The following ATP8B4 variants were observed in gnomAD, a reference collection of about 807,000 sequenced individuals.
The protein encoded by ATP8B4 is probable phospholipid-transporting ATPase IM.
Under a neutral mutation model 145.6 loss-of-function variants are expected in ATP8B4, and 133 were observed. The observed-to-expected ratio is 0.91, with a 90% CI of 0.79 to 1.05. The LOEUF is 1.05. Among genes scored for constraint, ATP8B4 ranks in the 50% least tolerant of loss-of-function variants. ATP8B4 has a pLI of 0.00. For synonymous variants in ATP8B4, 507 were observed against 492.9 expected, an observed-to-expected ratio of 1.03 and a Z score of -0.38; for missense variants, 1,458 against 1,425.2, an observed-to-expected ratio of 1.02 and a Z score of -0.37.
intron 14 of ATP8B4, among the ~76,000 whole-genome samples, chr15:49,954,756 G>A (rs937266727): frequency 6.6e-6 from 1 of 152,134 alleles, no homozygotes; most frequent in African/African-American, 2.4e-5. Context: ...ACTGTGGAGA[G>A]CCATTTGGAG....
chr15:50,024,669 T>C (rs769302002), intron 6 of ATP8B4, among the ~76,000 whole-genome samples: 13 of 152,206 alleles, frequency 8.5e-5, no homozygotes, highest in Non-Finnish European at 1.3e-4. Context: ...ACTGGGTGTC[T>C]AGGGCTGCCT....
intron 1 of ATP8B4, among the ~76,000 whole-genome samples, chr15:50,140,887 A>G (rs12906623): frequency 0.26 from 38,905 of 152,102 alleles, 5,785 homozygotes; most frequent in Non-Finnish European, 0.33. Context: ...TCCTAAGGTG[A>G]TTGTAATGTG....
chr15:50,108,418 A>G (rs1040559100), intron 1 of ATP8B4, among the ~76,000 whole-genome samples: 39 of 151,750 alleles, frequency 2.6e-4, no homozygotes, highest in African/African-American at 9.0e-4. Context: ...TGGCCTCAGG[A>G]AAAAAACTCT....
intron 14 of ATP8B4, among the ~76,000 whole-genome samples, chr15:49,954,272 T>A (rs1758214136): frequency 6.6e-6 from 1 of 152,050 alleles, no homozygotes; most frequent in Non-Finnish European, 1.5e-5. Context: ...TATACATATA[T>A]CCTATTAGTT....
chr15:50,039,234 T>G (rs371902167), intron 5 of ATP8B4, among the ~76,000 whole-genome samples: 1 of 152,238 alleles, frequency 6.6e-6, no homozygotes, highest in Admixed American at 6.5e-5. Context: ...ATTCTTTCTG[T>G]TTTATGGATT....
intron 14 of ATP8B4, among the ~76,000 whole-genome samples, chr15:49,937,726 A>T (rs1451292782): frequency 6.6e-6 from 1 of 152,240 alleles, no homozygotes. Flanking sequence ...CAAAAATATT[A>T]AAAAGAATAT....
intron 25 of ATP8B4, among the ~76,000 whole-genome samples, chr15:49,872,948 A>G (rs2033879101): frequency 6.6e-6 from 1 of 152,256 alleles, no homozygotes; most frequent in African/African-American, 2.4e-5. Flanking sequence ...TAATATTAAC[A>G]TCAGAGAAAA....
intron 2 of ATP8B4, among the ~76,000 whole-genome samples, chr15:50,096,284 T>C (rs73400879): frequency 1.3e-5 from 2 of 151,650 alleles, no homozygotes; most frequent in Admixed American, 1.3e-4. Context: ...CACAGAGAGG[T>C]GAGGGAAGGG....
At chr15:49,862,178 G>A in intron 27 of ATP8B4, 67 bp downstream of exon 27, 2 of 1,546,196 alleles carry the variant, frequency 1.3e-6, no homozygotes, top group Non-Finnish European at 1.8e-6. Context: ...TTCCAATAAG[G>A]CAGAAAAGGA....
chr15:50,053,978 A>G (rs551477388), intron 3 of ATP8B4, among the ~76,000 whole-genome samples: 2 of 152,230 alleles, frequency 1.3e-5, no homozygotes, highest in East Asian at 1.9e-4. Context: ...AACTAATAAC[A>G]TTTCTCATAT....
chr15:49,963,721 A>C (rs2044288486), intron 13 of ATP8B4, among the ~76,000 whole-genome samples: 1 of 152,162 alleles, frequency 6.6e-6, no homozygotes, highest in Admixed American at 6.5e-5. Flanking sequence ...GAACACATGG[A>C]CACATGCGGG....
rs183898215 is a variant in ATP8B4, at chr15:49,860,479, G to T, written c.3298-4C>A. 4 of 1,602,428 alleles carry T rather than the reference G, an allele frequency of 2.5e-6. No homozygotes were observed. In the East Asian group the frequency reaches 8.9e-5, roughly 36 times the overall value. Reference sequence around the variant, plus strand: ...GAGCCTTCTGCCACCGGCGGATCTGGAGAGAAACAGACCCAAAGTGAGATG... The same window carrying T: ...GAGCCTTCTGCCACCGGCGGATCTGTAGAGAAACAGACCCAAAGTGAGATG... On this transcript the variant is annotated splice_region_variant and splice_polypyrimidine_tract_variant and intron_variant, in intron 27 of 27. Transcript: ENST00000284509.
intron 5 of ATP8B4, among the ~76,000 whole-genome samples, chr15:50,041,044 GGGTAA>G (rs1472033021): frequency 6.6e-6 from 1 of 152,210 alleles, no homozygotes; most frequent in Non-Finnish European, 1.5e-5. Flanking sequence ...GTACATGGTA[GGGTAA>G]GGTGGTAGGA....
At chr15:50,069,991 T>A (rs930351045) in intron 3 of ATP8B4, among the ~76,000 whole-genome samples, 1 of 152,210 alleles carries the variant, frequency 6.6e-6, no homozygotes, top group Non-Finnish European at 1.5e-5. Context: ...GAGATCTCAA[T>A]GGCTTAACAT....
chr15:49,921,702 C>T (rs956078973), intron 17 of ATP8B4, among the ~76,000 whole-genome samples: 2 of 152,192 alleles, frequency 1.3e-5, no homozygotes, highest in African/African-American at 4.8e-5. Context: ...CTGTGAGATA[C>T]TGTAATTAGG....
At chr15:49,989,560 A>G (rs72734850) in intron 9 of ATP8B4, among the ~76,000 whole-genome samples, 1 of 152,134 alleles carries the variant, frequency 6.6e-6, no homozygotes, top group Non-Finnish European at 1.5e-5. Flanking sequence ...AGCCTTAAAC[A>G]TGTTGGCTTG....
chr15:50,027,914 C>A (rs1475102140), intron 6 of ATP8B4, among the ~76,000 whole-genome samples: 1 of 152,224 alleles, frequency 6.6e-6, no homozygotes, highest in Non-Finnish European at 1.5e-5. Flanking sequence ...TACTGTTTCA[C>A]TTGAAGTCAC....
At chr15:49,918,808 A>G in intron 19 of ATP8B4, 31 bp downstream of exon 19, 1 of 1,521,514 alleles carries the variant, frequency 6.6e-7, no homozygotes, top group Non-Finnish European at 9.1e-7. Flanking sequence ...CCCCATTTTC[A>G]AAATATCATC....
intron 3 of ATP8B4, among the ~76,000 whole-genome samples, chr15:50,058,755 T>C (rs2052787932): frequency 6.6e-6 from 1 of 151,996 alleles, no homozygotes; most frequent in Admixed American, 6.5e-5. Context: ...CCTGCAACAG[T>C]CCTAGCCTTT....
Sources: gnomAD v4.1 joint callset for allele counts (sites outside exome capture counted in the v4.1 genomes callset) on GRCh38, gnomAD v4.1.1 for gene constraint, MANE v1.5 for transcripts, NCBI Gene and HGNC (gene_info 2026-07-23, HGNC 2026-07-21) for gene names.